The following ANKRD44 variants were observed in gnomAD, a reference collection of about 807,000 sequenced individuals.
ANKRD44 encodes the protein serine/threonine-protein phosphatase 6 regulatory ankyrin repeat subunit B.
Under a neutral mutation model 116.0 loss-of-function variants are expected in ANKRD44, and 35 were observed. The ratio of observed to expected loss-of-function variants is 0.30; its 90% confidence interval spans 0.23 to 0.40. ANKRD44 has a LOEUF of 0.40. ANKRD44 is among the 10% of genes least tolerant of loss of function. The probability of loss-of-function intolerance (pLI) is 1.00; values close to 1 mark genes in which losing one functional copy is unlikely to be tolerated. For missense variants in ANKRD44, 1,014 were observed against 1,242.6 expected, an observed-to-expected ratio of 0.82 and a Z score of 2.77; for synonymous variants, 435 against 461.8, an observed-to-expected ratio of 0.94 and a Z score of 0.74.
At chr2:197,241,942 C>T (rs1292371771) in intron 1 of ANKRD44, among the ~76,000 whole-genome samples, 1 of 152,098 alleles carries the variant, frequency 6.6e-6, no homozygotes, top group African/African-American at 2.4e-5. Flanking sequence ...TATTACTGTG[C>T]TTTTCTTCCC....
At chr2:197,016,981 A>C (rs2076404853) in intron 17 of ANKRD44, among the ~76,000 whole-genome samples, 2 of 152,188 alleles carry the variant, frequency 1.3e-5, no homozygotes, top group African/African-American at 2.4e-5. Context: ...AAAAAGAAAT[A>C]AAAAAGGTCA....
intron 1 of ANKRD44, among the ~76,000 whole-genome samples, chr2:197,251,532 A>G (rs2082317356): frequency 6.6e-6 from 1 of 152,204 alleles, no homozygotes; most frequent in South Asian, 2.1e-4. Flanking sequence ...TTATATTTAT[A>G]TTAGTTTAAT....
chr2:197,176,935 A>AATAAT (rs2080378661), intron 2 of ANKRD44, among the ~76,000 whole-genome samples: 2 of 151,990 alleles, frequency 1.3e-5, no homozygotes, highest in Admixed American at 1.3e-4. Flanking sequence ...TAATAATAAT[A>AATAAT]ATAATACATC....
intron 18 of ANKRD44, among the ~76,000 whole-genome samples, chr2:197,010,801 C>T (rs1003955816): frequency 6.6e-6 from 1 of 152,160 alleles, no homozygotes; most frequent in African/African-American, 2.4e-5. Flanking sequence ...GGAATAGACG[C>T]CGCTATGTGA....
chr2:197,123,013 T>C (rs1467200262), intron 6 of ANKRD44, among the ~76,000 whole-genome samples: 1 of 152,244 alleles, frequency 6.6e-6, no homozygotes, highest in African/African-American at 2.4e-5. Context: ...ATGATTCATA[T>C]GTGAGCCTTC....
At chr2:196,998,033 A>AT (rs1455583188) in intron 25 of ANKRD44, among the ~76,000 whole-genome samples, 1 of 152,210 alleles carries the variant, frequency 6.6e-6, no homozygotes, top group Admixed American at 6.5e-5. Context: ...GTGGTACAAC[A>AT]ACCAGAGAGA....
chr2:197,134,297 A>G (rs577549988), intron 4 of ANKRD44: 1 of 152,260 alleles, frequency 6.6e-6, no homozygotes, highest in African/African-American at 2.4e-5. Flanking sequence ...TGTGACAGAT[A>G]CTAATATGAA....
At chr2:196,998,280 A>G (rs77910925) in intron 25 of ANKRD44, 57 bp downstream of exon 25, 57,273 of 1,303,344 alleles carry the variant, frequency 0.044, 1,596 homozygotes, top group South Asian at 0.063. Flanking sequence ...TTTCAGTGTT[A>G]TTATTACTGT....
At chr2:197,289,253 T>C (rs540339004) in intron 1 of ANKRD44, among the ~76,000 whole-genome samples, 1 of 152,268 alleles carries the variant, frequency 6.6e-6, no homozygotes, top group African/African-American at 2.4e-5. Context: ...ATAGCTAAAA[T>C]TTAAAAGACT....
intron 4 of ANKRD44, chr2:197,136,157 C>T (rs1056621131): frequency 5.4e-6 from 1 of 185,526 alleles, no homozygotes; most frequent in African/African-American, 2.4e-5. Context: ...CCCCCATTCA[C>T]TCACTTCCTT....
intron 2 of ANKRD44, among the ~76,000 whole-genome samples, chr2:197,158,828 C>T (rs970687883): frequency 3.3e-5 from 5 of 152,174 alleles, no homozygotes; most frequent in Admixed American, 6.5e-5. Context: ...ACGCCAAGCA[C>T]CGTGCTCAGA....
rs202061676 is a variant in ANKRD44 at position 197,156,838 on chromosome 2, CA to C, written c.112-9734del. ...AATTGTGTGAGTGAAACAAGTCGGG[CA>C]AAAAAAAAGTACATATTGTATAAAT... On this transcript the variant is annotated intron_variant, in intron 2 of 27. Transcript: ENST00000282272. Among the ~76,000 whole-genome samples, 400 of 149,806 alleles carry C rather than the reference CA, an allele frequency of 2.7e-3. 1 individual carries two copies. Among genetic ancestry groups the C allele is most frequent in the African/African-American group, 8.8e-3 (361 of 40,882 alleles).
intron 25 of ANKRD44, among the ~76,000 whole-genome samples, chr2:196,996,493 C>T (rs546997267): frequency 2.6e-5 from 4 of 152,226 alleles, no homozygotes; most frequent in Middle Eastern, 6.8e-3. Flanking sequence ...TACTATAATG[C>T]CTTGTATGGG....
In ANKRD44 at chr2:197,122,930, C is replaced by A; in HGVS notation, c.551-138G>T. The A allele has an allele frequency of 3.2e-6, 3 of 946,390 alleles. No individual in the cohort carries two copies. In the South Asian group the frequency reaches 5.2e-5, roughly 17 times the overall value. The allele number at this position is 946,390 out of a possible 1,614,324, so 58.6% of individuals were successfully genotyped here. A position where few individuals can be genotyped will look rare whatever the true frequency, so the allele number is the denominator to read the frequency against. On this transcript the variant is annotated intron_variant, in intron 6 of 27. Transcript: ENST00000282272. ...TTATTTGTAAAAAGCTGGTTCATGGCAACTATTCAACAAATATTTATTGAG... is the reference window on the plus strand; with the variant it reads ...TTATTTGTAAAAAGCTGGTTCATGGAAACTATTCAACAAATATTTATTGAG...
intron 16 of ANKRD44, among the ~76,000 whole-genome samples, chr2:197,026,489 C>T (rs1486159171): frequency 6.6e-6 from 1 of 152,134 alleles, no homozygotes; most frequent in African/African-American, 2.4e-5. Context: ...AGCAGAGGGG[C>T]CAACAGCTGC....
intron 16 of ANKRD44, among the ~76,000 whole-genome samples, chr2:197,068,361 T>TA (rs1333677941): frequency 2.7e-5 from 2 of 73,870 alleles, no homozygotes; most frequent in Admixed American, 1.5e-4. Flanking sequence ...TAGAGTATAA[T>TA]AAAAAAAATA....
chr2:197,247,021 TC>T (rs2082208191), intron 1 of ANKRD44, among the ~76,000 whole-genome samples: 1 of 152,204 alleles, frequency 6.6e-6, no homozygotes. Flanking sequence ...CGTTTCTCTT[TC>T]TTCCCCTTTG....
chr2:197,234,016 G>C (rs185525614), intron 1 of ANKRD44, among the ~76,000 whole-genome samples: 73 of 152,258 alleles, frequency 4.8e-4, no homozygotes, highest in Admixed American at 3.5e-3. Context: ...CTCGTTAACT[G>C]TTCTTAACAA....
Position 197,072,826 on chromosome 2 carries a change from T to C in ANKRD44, c.1650+5877A>G, listed in dbSNP as rs758556261. ...CATGGATATAATCAAATAATACATT[T>C]ATTCTCTTTTTCCCTATACTAGGTC... On this transcript the variant is annotated intron_variant, in intron 16 of 27. Transcript: ENST00000282272. Among the ~76,000 whole-genome samples, 38 of 152,226 alleles carry C rather than the reference T, an allele frequency of 2.5e-4. 1 individual carries two copies. The highest frequency in any genetic ancestry group is 8.8e-5 in the Non-Finnish European group (6 of 68,048).
Sources: gnomAD v4.1 joint callset for allele counts (sites outside exome capture counted in the v4.1 genomes callset) on GRCh38, gnomAD v4.1.1 for gene constraint, MANE v1.5 for transcripts, NCBI Gene and HGNC (gene_info 2026-07-23, HGNC 2026-07-21) for gene names.